The following SVOPL variants were observed in gnomAD, a reference collection of about 807,000 sequenced individuals.
SVOPL encodes the protein putative transporter SVOPL.
In SVOPL, 60 loss-of-function variants were observed where a neutral mutation model predicts 61.0. The observed-to-expected ratio is 0.98, with a 90% CI of 0.80 to 1.22. The LOEUF (loss-of-function observed/expected upper bound fraction) is 1.22. Among genes scored for constraint, SVOPL ranks in the 50% most tolerant of loss-of-function variants. The probability of loss-of-function intolerance (pLI) is 0.00; values close to 1 mark genes in which losing one functional copy is unlikely to be tolerated. For synonymous variants in SVOPL, 279 were observed against 250.0 expected (o/e 1.12, Z -1.09); for missense variants, 662 against 643.9 (o/e 1.03, Z -0.30).
intron 13 of SVOPL, among the ~76,000 whole-genome samples, chr7:138,623,366 C>T (rs377055974): frequency 2.0e-3 from 309 of 152,160 alleles, no homozygotes; most frequent in African/African-American, 7.1e-3. Context: ...TTTGGGAGGC[C>T]GAGGCGGGCG....
chr7:138,677,266 GA>G, intron 3 of SVOPL, among the ~76,000 whole-genome samples: 1 of 152,036 alleles, frequency 6.6e-6, no homozygotes, highest in East Asian at 1.9e-4. Flanking sequence ...GAGGTCAGTA[GA>G]AAAAAGACTG....
At chr7:138,622,623 T>C (rs1384811966) in intron 13 of SVOPL, among the ~76,000 whole-genome samples, 1 of 151,390 alleles carries the variant, frequency 6.6e-6, no homozygotes, top group Admixed American at 6.6e-5. Context: ...AACATTTTAT[T>C]AAATTTTTAT....
intron 1 of SVOPL, among the ~76,000 whole-genome samples, chr7:138,697,705 G>T (rs1261976471): frequency 6.8e-6 from 1 of 147,404 alleles, no homozygotes; most frequent in Non-Finnish European, 1.5e-5. Flanking sequence ...AGAGGAAGAA[G>T]GATAAGAAGA....
chr7:138,655,258 C>T (rs1318879283), intron 7 of SVOPL, among the ~76,000 whole-genome samples: 1 of 152,136 alleles, frequency 6.6e-6, no homozygotes, highest in Non-Finnish European at 1.5e-5. Context: ...AATCCCAGTA[C>T]TTTGGGAGGC....
At chr7:138,662,289 C>G (rs1460527724) in intron 5 of SVOPL, 2 of 985,342 alleles carry the variant, frequency 2.0e-6, no homozygotes, top group Non-Finnish European at 2.4e-6. Flanking sequence ...GGCTTTAAAA[C>G]TTGCATCTGT....
chr7:138,689,787 G>A (rs1224114124), intron 1 of SVOPL, among the ~76,000 whole-genome samples: 1 of 151,306 alleles, frequency 6.6e-6, no homozygotes, highest in Non-Finnish European at 1.5e-5. Context: ...AACCTGGGAG[G>A]TGGAGGTTGC....
chr7:138,668,464 A>C (rs1802331220), intron 4 of SVOPL, among the ~76,000 whole-genome samples: 1 of 152,064 alleles, frequency 6.6e-6, no homozygotes, highest in African/African-American at 2.4e-5. Context: ...TAGCTCAATA[A>C]ACCTCAGATG....
chr7:138,699,282 C>T (rs959286480), intron 1 of SVOPL, among the ~76,000 whole-genome samples: 12 of 151,814 alleles, frequency 7.9e-5, no homozygotes, highest in South Asian at 2.1e-4. Context: ...CCATCCTGGG[C>T]GACAACAGCG....
intron 3 of SVOPL, among the ~76,000 whole-genome samples, chr7:138,676,392 G>T (rs1436736497): frequency 1.3e-5 from 2 of 152,190 alleles, no homozygotes; most frequent in Non-Finnish European, 2.9e-5. Context: ...CAAAGTGCCA[G>T]CAGGTTCTGC....
intron 4 of SVOPL, among the ~76,000 whole-genome samples, chr7:138,669,213 G>T (rs1481110704): frequency 6.6e-6 from 1 of 152,162 alleles, no homozygotes; most frequent in African/African-American, 2.4e-5. Context: ...CACTTTGAGA[G>T]GCCTAGGCAG....
At chr7:138,594,683 T>C in intron 15 of SVOPL, 62 bp from the exon 16 acceptor site, 8 of 1,209,156 alleles carry the variant, frequency 6.6e-6, no homozygotes, top group Non-Finnish European at 9.1e-6. Flanking sequence ...CCATTCATAC[T>C]GAGCTATCTG....
chr7:138,657,074 G>A (rs116212724), intron 6 of SVOPL, among the ~76,000 whole-genome samples: 1 of 151,570 alleles, frequency 6.6e-6, no homozygotes, highest in Non-Finnish European at 1.5e-5. Context: ...AGCCTTATCT[G>A]TTTTGCCAAG....
At position 138,621,838 on chromosome 7, in the gene SVOPL, C is replaced by CTATG. The variant is rs1406323162; in HGVS notation, c.1264-704_1264-703insCATA. Among the ~76,000 whole-genome samples the CTATG allele has an allele frequency of 1.9e-3, 104 of 56,036 alleles. 9 individuals carry two copies. Among genetic ancestry groups the CTATG allele is most frequent in the Non-Finnish European group, 2.2e-3 (56 of 25,142 alleles). The allele number at this position is 56,036 out of a possible 152,430, so 36.8% of individuals were successfully genotyped here. A position where few individuals can be genotyped will look rare whatever the true frequency, so the allele number is the denominator to read the frequency against. Reference sequence around the variant, plus strand: ...TGTATCTATGTATCTATGTATCTATCTATCTATGTATCTATCTATCTATCT... The same window carrying CTATG: ...TGTATCTATGTATCTATGTATCTATCTATGTATCTATGTATCTATCTATCTATCT... On this transcript the variant is annotated intron_variant, in intron 13 of 15. Transcript: ENST00000674285.
intron 1 of SVOPL, among the ~76,000 whole-genome samples, chr7:138,683,028 A>G (rs1453538843): frequency 6.6e-6 from 1 of 151,998 alleles, no homozygotes; most frequent in Non-Finnish European, 1.5e-5. Flanking sequence ...ATAGATACAG[A>G]AAATATCAGG....
chr7:138,691,982 T>C (rs1802953987), intron 1 of SVOPL, among the ~76,000 whole-genome samples: 1 of 152,142 alleles, frequency 6.6e-6, no homozygotes, highest in African/African-American at 2.4e-5. Flanking sequence ...CACACCCAGC[T>C]AGCTTTTGTA....
Position 138,616,632 on chromosome 7 carries a change from G to A in SVOPL, c.1353+4414C>T, listed in dbSNP as rs181974580. On this transcript the variant is annotated intron_variant, in intron 14 of 15. Coordinates refer to ENST00000674285, the MANE Select transcript of SVOPL (RefSeq NM_001139456.2). ...ATTACAGACATGAGCCACCACACCT[G>A]GCCCTGAATCTTTAAATACTTTTGT... 1.6e-3 allele frequency among the ~76,000 whole-genome samples: 242 copies of A among 152,070 alleles called. 3 individuals are homozygous for A. Among genetic ancestry groups the A allele is most frequent in the African/African-American group, 5.4e-3 (225 of 41,474 alleles).
intron 9 of SVOPL, among the ~76,000 whole-genome samples, chr7:138,641,846 T>TAA (rs1177902092): frequency 2.1e-5 from 3 of 142,158 alleles, no homozygotes; most frequent in Non-Finnish European, 3.1e-5. Context: ...CATATATATA[T>TAA]AACATATATA....
chr7:138,623,846 G>A (rs913965917), intron 13 of SVOPL, among the ~76,000 whole-genome samples: 2 of 151,196 alleles, frequency 1.3e-5, no homozygotes, highest in Non-Finnish European at 2.9e-5. Context: ...TTTTTGAGAC[G>A]GAGTCTCTCT....
At chr7:138,631,991 C>T (rs957485960) in intron 9 of SVOPL, among the ~76,000 whole-genome samples, 1 of 152,062 alleles carries the variant, frequency 6.6e-6, no homozygotes, top group Non-Finnish European at 1.5e-5. Context: ...CACATACACA[C>T]ACCCCTACAC....
Sources: allele counts gnomAD v4.1 joint callset (sites outside exome capture counted in the v4.1 genomes callset), GRCh38; gene constraint gnomAD v4.1.1; transcripts MANE v1.5; gene names NCBI Gene and HGNC (gene_info 2026-07-23, HGNC 2026-07-21).